Variants in PDE7B observed in about 807,000 individuals in gnomAD.
PDE7B encodes the protein phosphodiesterase 7B.
A neutral mutation model predicts 56.2 loss-of-function variants in PDE7B; 29 were observed. The ratio of observed to expected loss-of-function variants is 0.52; its 90% CI spans 0.38 to 0.70. PDE7B has a LOEUF of 0.70. PDE7B is among the 30% of genes least tolerant of loss of function. The pLI, the probability that PDE7B is intolerant of heterozygous loss-of-function variation, is 0.00. For synonymous variants in PDE7B, 197 were observed against 196.9 expected, an observed-to-expected ratio of 1.00 and a Z score of 0.00; for missense variants, 490 against 565.0, an observed-to-expected ratio of 0.87 and a Z score of 1.35.
intron 2 of PDE7B, among the ~76,000 whole-genome samples, chr6:136,036,902 AG>A (rs1776333073): frequency 6.6e-6 from 1 of 152,226 alleles, no homozygotes; most frequent in Non-Finnish European, 1.5e-5. Flanking sequence ...TGCTGGCAAA[AG>A]TGCCAAATAC....
intron 2 of PDE7B, among the ~76,000 whole-genome samples, chr6:136,063,501 G>A (rs536001374): frequency 6.6e-6 from 1 of 152,316 alleles, no homozygotes; most frequent in South Asian, 2.1e-4. Flanking sequence ...GACTACTGCA[G>A]TAGTCCCCTA....
chr6:136,183,483 T>C (rs1216262314), intron 11 of PDE7B, among the ~76,000 whole-genome samples: 3 of 149,694 alleles, frequency 2.0e-5, no homozygotes, highest in Non-Finnish European at 3.0e-5. Flanking sequence ...GTAGTCCCAG[T>C]TACTTGGGAG....
intron 2 of PDE7B, chr6:136,095,937 T>C (rs1777463755): frequency 6.6e-6 from 1 of 152,246 alleles, no homozygotes; most frequent in Admixed American, 6.5e-5. Flanking sequence ...GTTACTGTGT[T>C]TAATAACTGC....
At chr6:136,092,901 A>G (rs888222662) in intron 2 of PDE7B, among the ~76,000 whole-genome samples, 1 of 152,232 alleles carries the variant, frequency 6.6e-6, no homozygotes, top group African/African-American at 2.4e-5. Flanking sequence ...GGTACTGTAT[A>G]CTTGAATATT....
At chr6:136,065,444 T>C (rs1255745371) in intron 2 of PDE7B, among the ~76,000 whole-genome samples, 1 of 152,314 alleles carries the variant, frequency 6.6e-6, no homozygotes, top group Middle Eastern at 3.4e-3. Flanking sequence ...TAAACTTCTA[T>C]TGTAGTTAAT....
intron 8 of PDE7B, chr6:136,156,150 G>A: frequency 2.9e-6 from 1 of 341,786 alleles, no homozygotes; most frequent in Non-Finnish European, 5.6e-6. Context: ...AAAGAGAAGA[G>A]AGAATGATCC....
chr6:135,902,651 G>A (rs1776025363), intron 1 of PDE7B, among the ~76,000 whole-genome samples: 1 of 152,046 alleles, frequency 6.6e-6, no homozygotes. Context: ...TCCTAGATTT[G>A]TTCTTCAGTC....
chr6:136,133,886 T>G (rs527538444), intron 3 of PDE7B, among the ~76,000 whole-genome samples: 36 of 152,156 alleles, frequency 2.4e-4, no homozygotes, highest in African/African-American at 8.2e-4. Flanking sequence ...GGAATCCAGA[T>G]AGAAACAGAA....
chr6:135,854,395 G>T (rs1179634770), intron 1 of PDE7B, among the ~76,000 whole-genome samples: 1 of 151,984 alleles, frequency 6.6e-6, no homozygotes, highest in Non-Finnish European at 1.5e-5. Context: ...ACATTGTTGG[G>T]GTACATAATT....
chr6:135,967,519 A>C (rs919517901), intron 2 of PDE7B, among the ~76,000 whole-genome samples: 2 of 152,148 alleles, frequency 1.3e-5, no homozygotes, highest in Non-Finnish European at 2.9e-5. Context: ...CAAAATACTA[A>C]GCTATCGCTG....
At chr6:136,114,203 C>G (rs1280656574) in intron 3 of PDE7B, among the ~76,000 whole-genome samples, 1 of 152,206 alleles carries the variant, frequency 6.6e-6, no homozygotes, top group Non-Finnish European at 1.5e-5. Flanking sequence ...GTCATCTTAA[C>G]TGCACAAGCA....
intron 2 of PDE7B, among the ~76,000 whole-genome samples, chr6:136,078,149 G>A (rs1421392213): frequency 1.3e-5 from 2 of 152,144 alleles, no homozygotes; most frequent in African/African-American, 4.8e-5. Flanking sequence ...CAGAAATACT[G>A]GGCAAAGAGT....
At chr6:135,933,670 A>C (rs1157186493) in intron 1 of PDE7B, among the ~76,000 whole-genome samples, 1 of 152,232 alleles carries the variant, frequency 6.6e-6, no homozygotes, top group Non-Finnish European at 1.5e-5. Context: ...CGAATAAGCA[A>C]AAATCTCCTA....
chr6:136,009,310 C>T (rs1385379192), intron 2 of PDE7B, among the ~76,000 whole-genome samples: 26 of 151,964 alleles, frequency 1.7e-4, no homozygotes, highest in East Asian at 7.7e-4. Context: ...ATTGACTTGG[C>T]GATGTGGGCT....
At chr6:135,871,429 G>A (rs1775377254) in intron 1 of PDE7B, among the ~76,000 whole-genome samples, 1 of 152,168 alleles carries the variant, frequency 6.6e-6, no homozygotes, top group Non-Finnish European at 1.5e-5. Context: ...AGAAATATTT[G>A]CTTAGATTCC....
chr6:135,959,906 T>C (rs1346583049), intron 2 of PDE7B, among the ~76,000 whole-genome samples: 1 of 152,126 alleles, frequency 6.6e-6, no homozygotes, highest in Non-Finnish European at 1.5e-5. Flanking sequence ...CTCAAGTACC[T>C]GGGACTACAG....
intron 2 of PDE7B, among the ~76,000 whole-genome samples, chr6:136,006,707 A>T (rs1379699834): frequency 1.3e-5 from 2 of 152,018 alleles, no homozygotes; most frequent in Non-Finnish European, 2.9e-5. Context: ...TTTGGCTCTC[A>T]GCTTAGCTAT....
rs1178328865 is a variant in PDE7B, at chr6:135,997,084, TTTG to T, written c.82+49572_82+49574del. Reference sequence around the variant, plus strand: ...AATCTGTGACTTTATTCTCGGTTTTTTTGTTGTTGTTGTTTTATTTTTTATTGA... The same window carrying T: ...AATCTGTGACTTTATTCTCGGTTTTTTTGTTGTTGTTTTATTTTTTATTGA... On this transcript the variant is annotated intron_variant, in intron 2 of 12. Transcript: ENST00000308191. Among the ~76,000 whole-genome samples, 15 of 152,170 alleles carry T rather than the reference TTTG, an allele frequency of 9.9e-5. No homozygotes were observed. The East Asian group carries it at 2.7e-3, about 27-fold the overall frequency.
intron 12 of PDE7B, among the ~76,000 whole-genome samples, chr6:136,188,806 T>G (rs1779179335): frequency 6.6e-6 from 1 of 152,012 alleles, no homozygotes; most frequent in Non-Finnish European, 1.5e-5. Context: ...AATAGGGAAA[T>G]CCTATGGATG....
Sources: gnomAD v4.1 joint callset for allele counts (sites outside exome capture counted in the v4.1 genomes callset) on GRCh38, gnomAD v4.1.1 for gene constraint, MANE v1.5 for transcripts, NCBI Gene and HGNC (gene_info 2026-07-23, HGNC 2026-07-21) for gene names.